Variants in CDK14 observed in about 807,000 individuals in gnomAD.
CDK14 encodes cyclin dependent kinase 14.
In CDK14, 34 loss-of-function variants were observed where a neutral mutation model predicts 60.7. The observed-to-expected ratio is 0.56, with a 90% CI of 0.43 to 0.75. The LOEUF is 0.75. CDK14 is among the 30% of genes least tolerant of loss of function. The pLI is 0.00. For synonymous variants in CDK14, 197 were observed against 203.7 expected, an observed-to-expected ratio of 0.97 and a Z score of 0.28; for missense variants, 482 against 564.1, an observed-to-expected ratio of 0.85 and a Z score of 1.47.
intron 2 of CDK14, among the ~76,000 whole-genome samples, chr7:90,648,635 G>T (rs1230073594): frequency 6.6e-6 from 1 of 152,074 alleles, no homozygotes; most frequent in Non-Finnish European, 1.5e-5. Flanking sequence ...CCTCATCCCA[G>T]CACTGAGCCC....
chr7:90,987,357 A>G (rs1795401896), intron 10 of CDK14, among the ~76,000 whole-genome samples: 1 of 152,068 alleles, frequency 6.6e-6, no homozygotes, highest in South Asian at 2.1e-4. Flanking sequence ...TCAAATGCAG[A>G]TAAGCATCAT....
intron 2 of CDK14, among the ~76,000 whole-genome samples, chr7:90,645,210 A>G (rs976388673): frequency 6.6e-6 from 1 of 152,150 alleles, no homozygotes. Context: ...GGTTTTTTGC[A>G]CATTGTGGCC....
At chr7:91,198,109 G>A (rs931457290) in intron 14 of CDK14, among the ~76,000 whole-genome samples, 8 of 152,184 alleles carry the variant, frequency 5.3e-5, no homozygotes, top group East Asian at 1.9e-4. Flanking sequence ...TGGTGGAAAC[G>A]ATGTGCTATA....
chr7:91,190,211 G>A (rs1802317918), intron 14 of CDK14, among the ~76,000 whole-genome samples: 1 of 152,180 alleles, frequency 6.6e-6, no homozygotes, highest in African/African-American at 2.4e-5. Flanking sequence ...ACAGGCTGAG[G>A]CCTCATCTTC....
At chr7:90,953,859 C>A (rs1264431905) in intron 8 of CDK14, among the ~76,000 whole-genome samples, 1 of 152,096 alleles carries the variant, frequency 6.6e-6, no homozygotes, top group Non-Finnish European at 1.5e-5. Context: ...AGGAACCAAC[C>A]CTTTTGATGG....
intron 5 of CDK14, among the ~76,000 whole-genome samples, chr7:90,794,383 C>T (rs1052203919): frequency 2.6e-5 from 4 of 152,142 alleles, no homozygotes; most frequent in South Asian, 2.1e-4. Flanking sequence ...ATTTCCTCAT[C>T]CTAATAAGCC....
chr7:90,853,713 CTTGTGGTTG>C (rs1338931614), intron 5 of CDK14, among the ~76,000 whole-genome samples: 1 of 152,078 alleles, frequency 6.6e-6, no homozygotes, highest in Admixed American at 6.6e-5. Flanking sequence ...TCTCCAGTGC[CTTGTGGTTG>C]GCATGTAGTA....
intron 6 of CDK14, among the ~76,000 whole-genome samples, chr7:90,872,655 A>T (rs1200119882): frequency 6.6e-6 from 1 of 151,246 alleles, no homozygotes; most frequent in African/African-American, 2.4e-5. Flanking sequence ...CTGAGATATC[A>T]ATTTTTTTCC....
In CDK14 at chr7:91,073,795, A is replaced by G. The variant is rs558715256; in HGVS notation, c.1106-5637A>G. ...AGACACACATGGGCCAAAATAAGGG[A>G]TGGAGGAAAATTTACCAAGCAAATG... On this transcript the variant is annotated intron_variant, in intron 11 of 14. Transcript: ENST00000380050. Among the ~76,000 whole-genome samples, 1,207 of 151,020 alleles carry G rather than the reference A, an allele frequency of 8.0e-3. 19 individuals are homozygous for G. Among genetic ancestry groups the G allele is most frequent in the African/African-American group, 0.027 (1,111 of 40,974 alleles).
intron 9 of CDK14, 42 bp downstream of exon 9, chr7:90,955,859 G>A: frequency 6.2e-7 from 1 of 1,607,252 alleles, no homozygotes; most frequent in Non-Finnish European, 8.5e-7. Context: ...TATCTGTAGT[G>A]CTTGGTCTGG....
At chr7:90,960,551 A>G (rs1794572550) in intron 9 of CDK14, among the ~76,000 whole-genome samples, 1 of 152,150 alleles carries the variant, frequency 6.6e-6, no homozygotes. Flanking sequence ...AAAAATTTCC[A>G]TACCACTCTT....
At chr7:90,718,478 T>C (rs192267363) in intron 2 of CDK14, among the ~76,000 whole-genome samples, 15 of 152,236 alleles carry the variant, frequency 9.9e-5, no homozygotes, top group African/African-American at 3.6e-4. Context: ...ATCTGTATCA[T>C]TTTACAGATG....
At chr7:90,777,281 T>C (rs1805090439) in intron 4 of CDK14, among the ~76,000 whole-genome samples, 1 of 152,178 alleles carries the variant, frequency 6.6e-6, no homozygotes, top group African/African-American at 2.4e-5. Context: ...TCAGTATCTC[T>C]TTTACGTGGT....
Position 90,757,789 on chromosome 7 carries a change from G to A in CDK14, c.464+10014G>A, listed in dbSNP as rs1804143684. ...GCTAATTTTCATATTTTTTTGTAGA[G>A]ACGGGGTTTTGCCATGTTGCCCAGA... On this transcript the variant is annotated intron_variant, in intron 4 of 14. Transcript: ENST00000380050. Among the ~76,000 whole-genome samples the A allele has an allele frequency of 2.0e-5, 3 of 151,926 alleles. No homozygotes were observed. The South Asian group carries it at 6.2e-4, about 32-fold the overall frequency.
intron 3 of CDK14, among the ~76,000 whole-genome samples, chr7:90,734,276 G>T (rs746553382): frequency 2.1e-4 from 32 of 152,058 alleles, no homozygotes; most frequent in Non-Finnish European, 2.2e-4. Flanking sequence ...TGACTCTGAG[G>T]ATTATGTGTC....
intron 12 of CDK14, among the ~76,000 whole-genome samples, chr7:91,087,341 A>G (rs760901771): frequency 2.0e-5 from 3 of 152,206 alleles, no homozygotes; most frequent in East Asian, 3.8e-4. Context: ...TAGTATTGAC[A>G]TAGCAAAGAA....
At chr7:91,067,833 T>C (rs1358175050) in intron 11 of CDK14, among the ~76,000 whole-genome samples, 2 of 152,232 alleles carry the variant, frequency 1.3e-5, no homozygotes, top group African/African-American at 2.4e-5. Context: ...CTAATATTTA[T>C]GTGCAATTAA....
chr7:90,766,881 G>A (rs1259058808), intron 4 of CDK14, among the ~76,000 whole-genome samples: 1 of 152,154 alleles, frequency 6.6e-6, no homozygotes, highest in East Asian at 1.9e-4. Flanking sequence ...TCAGCAGCCA[G>A]CTCTGCCGCT....
chr7:90,853,232 A>C (rs1306707995), intron 5 of CDK14, among the ~76,000 whole-genome samples: 1 of 152,146 alleles, frequency 6.6e-6, no homozygotes, highest in African/African-American at 2.4e-5. Context: ...AATAATGAAA[A>C]ACTTTGTTGG....
Sources: allele counts gnomAD v4.1 joint callset (sites outside exome capture counted in the v4.1 genomes callset), GRCh38; gene constraint gnomAD v4.1.1; transcripts MANE v1.5; gene names NCBI Gene and HGNC (gene_info 2026-07-23, HGNC 2026-07-21).